PHF21A: variants seen among roughly 807,000 people sequenced by gnomAD.
PHF21A encodes the protein PHD finger protein 21A, also known as BHC80a.
Under a neutral mutation model 82.5 loss-of-function variants are expected in PHF21A, and 11 were observed. The observed-to-expected ratio is 0.13, with a 90% CI of 0.08 to 0.22. PHF21A has a LOEUF of 0.22. PHF21A is among the 10% of genes least tolerant of loss of function. The pLI is 1.00. For missense variants in PHF21A, 579 were observed against 837.8 expected (o/e 0.69, Z 3.81); for synonymous variants, 297 against 302.8 (o/e 0.98, Z 0.20).
intron 6 of PHF21A, among the ~76,000 whole-genome samples, chr11:46,039,323 C>T (rs190608809): frequency 6.6e-6 from 1 of 152,296 alleles, no homozygotes; most frequent in Non-Finnish European, 1.5e-5. Flanking sequence ...TGATTCTCTT[C>T]ATAGAACTGG....
At chr11:46,095,597 T>C (rs975454169) in intron 1 of PHF21A, among the ~76,000 whole-genome samples, 3 of 152,130 alleles carry the variant, frequency 2.0e-5, no homozygotes, top group African/African-American at 7.2e-5. Flanking sequence ...CTGCTCTAAT[T>C]AGAGCTGGTA....
chr11:46,001,979 A>T (rs1591815026), intron 6 of PHF21A, among the ~76,000 whole-genome samples: 1 of 152,244 alleles, frequency 6.6e-6, no homozygotes, highest in African/African-American at 2.4e-5. Flanking sequence ...CAAAATACTT[A>T]TGGCAAGACG....
intron 6 of PHF21A, among the ~76,000 whole-genome samples, chr11:46,020,402 C>T (rs898514746): frequency 1.3e-5 from 2 of 152,044 alleles, no homozygotes; most frequent in East Asian, 1.9e-4. Flanking sequence ...TGACACTGTT[C>T]GATGGGTCTT....
At chr11:45,959,524 T>C (rs1189747622) in intron 10 of PHF21A, among the ~76,000 whole-genome samples, 1 of 152,202 alleles carries the variant, frequency 6.6e-6, no homozygotes, top group Admixed American at 6.5e-5. Context: ...CTATTTGATA[T>C]TGTACTGGAA....
chr11:46,087,731 G>C (rs951604045), intron 3 of PHF21A, among the ~76,000 whole-genome samples: 7 of 152,016 alleles, frequency 4.6e-5, no homozygotes, highest in Admixed American at 4.6e-4. Context: ...TGCCCAGGCT[G>C]GTCACGAATA....
intron 6 of PHF21A, among the ~76,000 whole-genome samples, chr11:46,061,365 T>C (rs2096532931): frequency 6.6e-6 from 1 of 152,242 alleles, no homozygotes; most frequent in Non-Finnish European, 1.5e-5. Flanking sequence ...GGTCGTTTAA[T>C]AGGAATAGCA....
At chr11:45,949,378 G>A (rs754277810) in intron 13 of PHF21A, 24 bp downstream of exon 13, 1 of 1,581,408 alleles carries the variant, frequency 6.3e-7, no homozygotes, top group Non-Finnish European at 8.7e-7. Context: ...CATGAGGGAA[G>A]GGCCAGATGC....
chr11:46,020,777 T>C (rs1036229806), intron 6 of PHF21A, among the ~76,000 whole-genome samples: 19 of 152,302 alleles, frequency 1.2e-4, no homozygotes, highest in Middle Eastern at 3.4e-3. Flanking sequence ...AAAAACATTA[T>C]TCTTAAACTA....
At chr11:45,966,968 C>T (rs1019249999) in intron 9 of PHF21A, among the ~76,000 whole-genome samples, 1 of 152,116 alleles carries the variant, frequency 6.6e-6, no homozygotes, top group Non-Finnish European at 1.5e-5. Flanking sequence ...GGGCAAAACG[C>T]TTTCCCCTTA....
At chr11:45,982,009 T>A (rs963482380) in intron 6 of PHF21A, among the ~76,000 whole-genome samples, 1 of 139,222 alleles carries the variant, frequency 7.2e-6, no homozygotes, top group Non-Finnish European at 1.5e-5. Context: ...CAGGCTGGAG[T>A]GCGGCAGCAC....
Position 46,039,952 on chromosome 11 carries a change from T to G in PHF21A, c.153+36802A>C, listed in dbSNP as rs781223912. On this transcript the variant is annotated intron_variant, in intron 6 of 18. Transcript: ENST00000676320. Reference sequence around the variant, plus strand: ...ACATCTATTTTTAAAAACCCTCAAATGAGTTTATTCTTATTTGATACAAAC... The same window carrying G: ...ACATCTATTTTTAAAAACCCTCAAAGGAGTTTATTCTTATTTGATACAAAC... Among the ~76,000 whole-genome samples the G allele has an allele frequency of 1.8e-4, 27 of 152,326 alleles. No homozygotes were observed. The Middle Eastern group carries it at 0.014, about 77-fold the overall frequency.
intron 6 of PHF21A, among the ~76,000 whole-genome samples, chr11:46,029,558 C>T (rs1451977559): frequency 6.6e-6 from 1 of 151,504 alleles, no homozygotes; most frequent in East Asian, 1.9e-4. Context: ...CGTGGTAGCG[C>T]ATGTCTGTAA....
intron 6 of PHF21A, among the ~76,000 whole-genome samples, chr11:46,062,672 T>C (rs1454252075): frequency 6.6e-6 from 1 of 152,168 alleles, no homozygotes; most frequent in Non-Finnish European, 1.5e-5. Context: ...TATTTAAGAT[T>C]GAAGCGCTAA....
chr11:45,955,543 C>G (rs1372407946), intron 10 of PHF21A, among the ~76,000 whole-genome samples: 2 of 152,100 alleles, frequency 1.3e-5, no homozygotes, highest in Admixed American at 6.5e-5. Flanking sequence ...ATTTCTAAGG[C>G]TGAGTAAAGC....
chr11:45,961,279 T>C (rs545284724), intron 10 of PHF21A, among the ~76,000 whole-genome samples: 1 of 152,324 alleles, frequency 6.6e-6, no homozygotes, highest in South Asian at 2.1e-4. Flanking sequence ...ATACTTTATA[T>C]ACTTGTCTGC....
intron 6 of PHF21A, among the ~76,000 whole-genome samples, chr11:46,057,427 C>T (rs1456479185): frequency 6.6e-6 from 1 of 151,978 alleles, no homozygotes; most frequent in Non-Finnish European, 1.5e-5. Flanking sequence ...TAACAGATGC[C>T]CAGAGCATTA....
intron 6 of PHF21A, among the ~76,000 whole-genome samples, chr11:46,017,745 A>G (rs2095545068): frequency 6.6e-6 from 1 of 152,220 alleles, no homozygotes; most frequent in African/African-American, 2.4e-5. Context: ...TTCTTGATAA[A>G]TATGTAGACT....
At chr11:46,100,284 C>T (rs1408563810) in intron 1 of PHF21A, among the ~76,000 whole-genome samples, 1 of 151,982 alleles carries the variant, frequency 6.6e-6, no homozygotes, top group African/African-American at 2.4e-5. Context: ...AAAAAAAAAT[C>T]CCATGAGCAT....
intron 6 of PHF21A, among the ~76,000 whole-genome samples, chr11:46,020,403 G>C (rs777731972): frequency 6.6e-6 from 1 of 152,012 alleles, no homozygotes; most frequent in African/African-American, 2.4e-5. Flanking sequence ...GACACTGTTC[G>C]ATGGGTCTTT....
Sources: allele counts gnomAD v4.1 joint callset (sites outside exome capture counted in the v4.1 genomes callset), GRCh38; gene constraint gnomAD v4.1.1; transcripts MANE v1.5; gene names NCBI Gene and HGNC (gene_info 2026-07-23, HGNC 2026-07-21).